CDH9: variants seen among roughly 807,000 people sequenced by gnomAD.
The protein encoded by CDH9 is cadherin 9.
A neutral mutation model predicts 70.9 loss-of-function variants in CDH9; 28 were observed. The ratio of observed to expected loss-of-function variants is 0.40; its 90% CI spans 0.29 to 0.54. CDH9 has a LOEUF of 0.54. CDH9 is among the 20% of genes least tolerant of loss of function. The pLI, the probability that CDH9 is intolerant of heterozygous loss-of-function variation, is 0.59. For missense variants in CDH9, 874 were observed against 984.4 expected (o/e 0.89, Z 1.50); for synonymous variants, 409 against 343.1 (o/e 1.19, Z -2.12).
intron 9 of CDH9, among the ~76,000 whole-genome samples, chr5:26,889,519 A>C (rs1441752538): frequency 6.6e-6 from 1 of 152,160 alleles, no homozygotes; most frequent in Non-Finnish European, 1.5e-5. Flanking sequence ...TCATTCTATT[A>C]GTGAAGATAA....
At position 26,903,715 on chromosome 5, in the gene CDH9, A is replaced by G. The variant is rs777494884; in HGVS notation, c.921T>C (p.Ile307=). 3 of 1,607,330 alleles carry G rather than the reference A, an allele frequency of 1.9e-6. No homozygotes were observed. The highest frequency in any genetic ancestry group is 1.1e-5 in the South Asian group (1 of 90,374). Residue 307 remains isoleucine, a synonymous_variant, in exon 6 of 12, where the codon ATT becomes ATC. Transcript: ENST00000231021. ...VGENAEMEYS[I]AEGDGADMFD... ...ACATGTCTGCACCATCTCCTTCAGC[A>G]ATGCTATACTCCATTTCTGCATTTT... is the stretch of plus-strand genomic sequence containing the variant.
At chr5:27,000,403 G>A (rs995513066) in intron 1 of CDH9, among the ~76,000 whole-genome samples, 4 of 152,060 alleles carry the variant, frequency 2.6e-5, no homozygotes, top group African/African-American at 7.2e-5. Flanking sequence ...TAACTCTTTC[G>A]CTGCTGATGA....
At chr5:27,004,059 T>C (rs1393521661) in intron 1 of CDH9, among the ~76,000 whole-genome samples, 1 of 135,480 alleles carries the variant, frequency 7.4e-6, no homozygotes, top group Non-Finnish European at 1.5e-5. Flanking sequence ...GGAGGGAGGA[T>C]AAATTGGGGA....
intron 7 of CDH9, among the ~76,000 whole-genome samples, chr5:26,894,290 C>T (rs552384353): frequency 1.2e-3 from 186 of 152,150 alleles, no homozygotes; most frequent in Non-Finnish European, 2.5e-3. Context: ...GCTGCCCTAG[C>T]GTTTAGCCTA....
intron 2 of CDH9, among the ~76,000 whole-genome samples, chr5:26,950,355 G>T (rs2112045976): frequency 6.6e-6 from 1 of 152,226 alleles, no homozygotes; most frequent in South Asian, 2.1e-4. Flanking sequence ...TCTGACAAAG[G>T]TATATGATGA....
intron 3 of CDH9, among the ~76,000 whole-genome samples, chr5:26,914,245 A>C (rs2112003530): frequency 6.6e-6 from 1 of 152,146 alleles, no homozygotes; most frequent in East Asian, 1.9e-4. Flanking sequence ...TATTTTACAA[A>C]AGGTACTAAC....
chr5:26,960,160 T>C (rs1426924518), intron 2 of CDH9, among the ~76,000 whole-genome samples: 4 of 151,842 alleles, frequency 2.6e-5, no homozygotes, highest in South Asian at 2.1e-4. Flanking sequence ...AACAAGAAAA[T>C]CACCTGTCCA....
intron 1 of CDH9, among the ~76,000 whole-genome samples, chr5:27,014,202 A>G (rs1264415866): frequency 6.6e-6 from 1 of 151,992 alleles, no homozygotes; most frequent in East Asian, 1.9e-4. Flanking sequence ...ATACAAGTAC[A>G]GAATTACCCC....
At chr5:27,014,995 C>A (rs1743022042) in intron 1 of CDH9, among the ~76,000 whole-genome samples, 1 of 151,932 alleles carries the variant, frequency 6.6e-6, no homozygotes, top group Admixed American at 6.6e-5. Context: ...GGTGCTCAGT[C>A]TGTGCTTTAG....
At chr5:26,943,376 G>T (rs1435218281) in intron 2 of CDH9, among the ~76,000 whole-genome samples, 1 of 152,034 alleles carries the variant, frequency 6.6e-6, no homozygotes, top group Non-Finnish European at 1.5e-5. Flanking sequence ...AGCCTGACGT[G>T]GTGGCTTGTG....
Position 26,974,332 on chromosome 5 carries a change from A to G in CDH9, c.228+13774T>C, listed in dbSNP as rs551623468. Among the ~76,000 whole-genome samples the G allele has an allele frequency of 3.5e-3, 490 of 139,298 alleles. 2 individuals carry two copies. The highest frequency in any genetic ancestry group is 5.2e-3 in the Non-Finnish European group (326 of 62,798). 91.4% of individuals were successfully genotyped at this position (139,298 alleles called of 152,430 possible). ...ACTTATGAAGACAAATAACTAAAAG[A>G]AACATGATAGGTGCTTTTTTTTTAT... On this transcript the variant is annotated intron_variant, in intron 2 of 11. Coordinates refer to ENST00000231021, the MANE Select transcript of CDH9 (RefSeq NM_016279.4).
intron 2 of CDH9, among the ~76,000 whole-genome samples, chr5:26,959,205 A>G (rs1465859232): frequency 6.6e-6 from 1 of 152,188 alleles, no homozygotes; most frequent in Non-Finnish European, 1.5e-5. Context: ...TGGCTTGAAA[A>G]TAAATTTCCT....
intron 3 of CDH9, among the ~76,000 whole-genome samples, chr5:26,911,243 G>A (rs554268560): frequency 1.3e-5 from 2 of 152,216 alleles, no homozygotes; most frequent in South Asian, 2.1e-4. Context: ...GTACATAGAA[G>A]TTGCTAATGA....
At chr5:26,922,957 A>C (rs2112014053) in intron 2 of CDH9, among the ~76,000 whole-genome samples, 1 of 151,672 alleles carries the variant, frequency 6.6e-6, no homozygotes, top group Middle Eastern at 3.4e-3. Context: ...GGAGTGAAGG[A>C]AGACAAACAA....
chr5:26,997,160 C>A (rs192813894), intron 1 of CDH9, among the ~76,000 whole-genome samples: 44 of 151,902 alleles, frequency 2.9e-4, no homozygotes, highest in African/African-American at 9.4e-4. Context: ...CAACCCATTG[C>A]CAGAATATGA....
rs1431550127 is a variant in CDH9 at position 27,024,080 on chromosome 5, T to C, written c.-50+14383A>G. On this transcript the variant is annotated intron_variant, in intron 1 of 11. Coordinates refer to ENST00000231021, the MANE Select transcript of CDH9 (RefSeq NM_016279.4). ...AATAAATAAATAAATAAATAAATAA[T>C]AAAAATAAACATAGAATTTAATTTC... Among the ~76,000 whole-genome samples the C allele has an allele frequency of 2.6e-5, 4 of 151,514 alleles. No individual in the cohort carries two copies. In the East Asian group the frequency reaches 7.8e-4, roughly 29 times the overall value.
At chr5:26,950,959 T>C (rs1298650671) in intron 2 of CDH9, among the ~76,000 whole-genome samples, 1 of 152,076 alleles carries the variant, frequency 6.6e-6, no homozygotes, top group Non-Finnish European at 1.5e-5. Context: ...GTTAAACAGT[T>C]GTTATCTTGT....
chr5:26,906,939 G>T, intron 3 of CDH9, 101 bp from the exon 4 acceptor site: 1 of 1,340,238 alleles, frequency 7.5e-7, no homozygotes, highest in Non-Finnish European at 9.6e-7. Flanking sequence ...TGTATTAGAC[G>T]ATGTTGTATG....
chr5:26,909,525 C>A (rs1463993680), intron 3 of CDH9, among the ~76,000 whole-genome samples: 1 of 148,876 alleles, frequency 6.7e-6, no homozygotes, highest in Non-Finnish European at 1.5e-5. Flanking sequence ...GATTTTGAGA[C>A]CATTTTTTTT....
Sources: allele counts gnomAD v4.1 joint callset (sites outside exome capture counted in the v4.1 genomes callset), GRCh38; gene constraint gnomAD v4.1.1; transcripts MANE v1.5; gene names NCBI Gene and HGNC (gene_info 2026-07-23, HGNC 2026-07-21).